The following IRAK2 variants were observed in gnomAD, a reference collection of about 807,000 sequenced individuals.
The protein encoded by IRAK2 is interleukin 1 receptor associated kinase 2, also known as interleukin-1 receptor-associated kinase-like 2.
Under a neutral mutation model 72.0 loss-of-function variants are expected in IRAK2, and 57 were observed. That is an observed-to-expected ratio of 0.79 (90% CI 0.64 to 0.99). IRAK2 has a LOEUF of 0.99. Among genes scored for constraint, IRAK2 ranks in the 50% least tolerant of loss-of-function variants. IRAK2 has a pLI of 0.00. For missense variants in IRAK2, 790 were observed against 794.4 expected (o/e 0.99, Z 0.07); for synonymous variants, 293 against 312.7 (o/e 0.94, Z 0.67).
rs373797017 is a variant in IRAK2, at chr3:10,213,468, A to G, written c.724-16A>G. The G allele has an allele frequency of 2.5e-6, 4 of 1,613,660 alleles. No individual in the cohort carries two copies. The African/African-American group carries it at 5.3e-5, about 22-fold the overall frequency. ...GGTGGGGCGGGATCTTCATGTTCTGATGTCTTTCTCTACAGACAGCCTGTT... is the reference window on the plus strand; with the variant it reads ...GGTGGGGCGGGATCTTCATGTTCTGGTGTCTTTCTCTACAGACAGCCTGTT... On this transcript the variant is annotated splice_polypyrimidine_tract_variant and intron_variant, in intron 5 of 12. Transcript: ENST00000256458.
In IRAK2 at chr3:10,213,648, A is replaced by C. The variant is rs1575977916; in HGVS notation, c.788+100A>C. On this transcript the variant is annotated intron_variant, in intron 6 of 12. Transcript: ENST00000256458. ...TAAGCACTCTATTATATATAAACTC[A>C]TTTAGTCCTTACAAGAACCCTATAA... 2.9e-5 allele frequency: 25 copies of C among 874,326 alleles called. No homozygotes were observed. The East Asian group carries it at 6.1e-4, about 21-fold the overall frequency. The allele number at this position is 874,326 out of a possible 1,614,324, so 54.2% of individuals were successfully genotyped here. A position where few individuals can be genotyped will look rare whatever the true frequency, so the allele number is the denominator to read the frequency against.
intron 6 of IRAK2, among the ~76,000 whole-genome samples, chr3:10,215,413 AAT>A (rs1559449311): frequency 1.4e-5 from 2 of 138,888 alleles, no homozygotes; most frequent in East Asian, 2.0e-4. Flanking sequence ...AAAAAAAAAA[AAT>A]TAATTAATTA....
chr3:10,203,845 A>T (rs1319512405), intron 3 of IRAK2, among the ~76,000 whole-genome samples: 1 of 151,856 alleles, frequency 6.6e-6, no homozygotes, highest in Non-Finnish European at 1.5e-5. Context: ...GTTGACCAGG[A>T]TGGTCTTGAT....
intron 1 of IRAK2, among the ~76,000 whole-genome samples, chr3:10,172,995 A>G (rs1440850434): frequency 6.6e-6 from 1 of 152,028 alleles, no homozygotes; most frequent in Non-Finnish European, 1.5e-5. Context: ...TATGAAAAAC[A>G]GGTTTTCATA....
chr3:10,165,347 G>A lies in IRAK2; in HGVS notation c.94+299G>A, dbSNP rs1463092649. ...CGCTGCTGGCTCGGTGACGTCCCCA[G>A]GTGGCCTCTCATCCAGCCCACAACA... On this transcript the variant is annotated intron_variant, in intron 1 of 12. Coordinates refer to ENST00000256458, the MANE Select transcript of IRAK2 (RefSeq NM_001570.4). Among the ~76,000 whole-genome samples, 4 of 152,154 alleles carry A rather than the reference G, an allele frequency of 2.6e-5. No individual in the cohort carries two copies. The East Asian group carries it at 7.7e-4, about 29-fold the overall frequency.
At chr3:10,188,403 C>T (rs1292626164) in intron 2 of IRAK2, among the ~76,000 whole-genome samples, 2 of 152,340 alleles carry the variant, frequency 1.3e-5, no homozygotes, top group African/African-American at 2.4e-5. Context: ...GGCTCGATCT[C>T]GGCTCACTGC....
At chr3:10,194,780 C>T (rs74893491) in intron 2 of IRAK2, among the ~76,000 whole-genome samples, 1,945 of 152,304 alleles carry the variant, frequency 0.013, 28 homozygotes, top group African/African-American at 0.044. Flanking sequence ...CATGTTTATA[C>T]GCACCATTTA....
chr3:10,212,294 T>G (rs1697533252), intron 4 of IRAK2, among the ~76,000 whole-genome samples: 1 of 152,164 alleles, frequency 6.6e-6, no homozygotes, highest in Admixed American at 6.6e-5. Flanking sequence ...ATTATGAGTT[T>G]TTTTTGCAAT....
intron 1 of IRAK2, among the ~76,000 whole-genome samples, chr3:10,169,796 T>C (rs188578932): frequency 1.3e-5 from 2 of 152,252 alleles, no homozygotes; most frequent in African/African-American, 4.8e-5. Context: ...CTTATGAAAA[T>C]GATGGGATTA....
intron 8 of IRAK2, among the ~76,000 whole-genome samples, chr3:10,220,874 C>A (rs2125159178): frequency 6.6e-6 from 1 of 152,214 alleles, no homozygotes; most frequent in South Asian, 2.1e-4. Context: ...TTTTTCACTT[C>A]CTGCCTATAC....
At position 10,184,823 on chromosome 3, in the gene IRAK2, A is replaced by G. The variant is rs190407128; in HGVS notation, c.277+6803A>G. Among the ~76,000 whole-genome samples, 1,102 of 138,494 alleles carry G rather than the reference A, an allele frequency of 8.0e-3. 42 individuals are homozygous for G. The highest frequency in any genetic ancestry group is 0.025 in the African/African-American group (906 of 36,636). The allele number at this position is 138,494 out of a possible 152,430, so 90.9% of individuals were successfully genotyped here. ...CGGCTCACTGCAAGCTCCGCCTCCCAGGTTCACGCCATTCTCTTGCCTCAG... is the reference window on the plus strand; with the variant it reads ...CGGCTCACTGCAAGCTCCGCCTCCCGGGTTCACGCCATTCTCTTGCCTCAG... On this transcript the variant is annotated intron_variant, in intron 2 of 12. Transcript: ENST00000256458.
At position 10,219,711 on chromosome 3, in the gene IRAK2, G is replaced by A. The variant is rs746090763; in HGVS notation, c.935G>A (p.Arg312His). 9.9e-6 allele frequency: 16 copies of A among 1,613,084 alleles called. No homozygotes were observed. In the East Asian group the frequency reaches 1.1e-4, roughly 11 times the overall value. The change falls in exon 8 of 13, where the codon CGT becomes CAT. Residue 312 changes from arginine to histidine, a missense_variant. By Grantham distance (29) the Arg-to-His change is conservative (BLOSUM62 0). Transcript: ENST00000256458. ...TCGGACCCCCTCCCCTGGCCCCAGCGTGTCAGCATCTGCTCAGGGCTGCTC... is the reference window on the plus strand; with the variant it reads ...TCGGACCCCCTCCCCTGGCCCCAGCATGTCAGCATCTGCTCAGGGCTGCTC... ...GGSDPLPWPQ[R>H]VSICSGLLCA...
chr3:10,192,101 A>G (rs1410156223), intron 2 of IRAK2, among the ~76,000 whole-genome samples: 1 of 151,820 alleles, frequency 6.6e-6, no homozygotes, highest in African/African-American at 2.4e-5. Context: ...GGAGGGCCAA[A>G]CCCAGGGATT....
At chr3:10,171,398 A>G (rs1696792594) in intron 1 of IRAK2, among the ~76,000 whole-genome samples, 1 of 152,154 alleles carries the variant, frequency 6.6e-6, no homozygotes, top group Middle Eastern at 3.4e-3. Context: ...CTTATTGTAA[A>G]GGGTCAAGTT....
Position 10,242,373 on chromosome 3 carries a change from C to T in IRAK2, c.*145C>T, listed in dbSNP as rs973299095. On this transcript the variant is annotated 3_prime_UTR_variant, in exon 13 of 13. Coordinates refer to ENST00000256458, the MANE Select transcript of IRAK2 (RefSeq NM_001570.4). ...CCTGGGTGGGAGGGAAACTTCATTT[C>T]ACTGGAATGAGTTGGGAGAGAAAGG... is the stretch of plus-strand genomic sequence containing the variant. 2 of 501,928 alleles carry T rather than the reference C, an allele frequency of 4.0e-6. No homozygotes were observed. Among genetic ancestry groups the T allele is most frequent in the South Asian group, 3.1e-5 (1 of 32,160 alleles). 31.1% of individuals were successfully genotyped at this position (501,928 alleles called of 1,614,324 possible). A position where few individuals can be genotyped will look rare whatever the true frequency, so the allele number is the denominator to read the frequency against.
chr3:10,221,790 G>C (rs1697698007), intron 8 of IRAK2, among the ~76,000 whole-genome samples: 1 of 152,162 alleles, frequency 6.6e-6, no homozygotes, highest in South Asian at 2.1e-4. Flanking sequence ...GCCTCACAAA[G>C]TGTTGGGATT....
At chr3:10,238,645 C>A (rs1698003261) in intron 11 of IRAK2, 103 bp from the exon 12 acceptor site, 3 of 1,114,918 alleles carry the variant, frequency 2.7e-6, no homozygotes, top group Non-Finnish European at 2.6e-6. Flanking sequence ...GCATTAGGTT[C>A]TTCAGTCTGC....
chr3:10,216,844 G>A, intron 6 of IRAK2, 90 bp from the exon 7 acceptor site: 2 of 949,284 alleles, frequency 2.1e-6, no homozygotes, highest in South Asian at 2.7e-5. Flanking sequence ...TGGCGTTGGA[G>A]GAGGAGAGGG....
intron 4 of IRAK2, 138 bp from the exon 5 acceptor site, chr3:10,213,069 A>G (rs1455755434): frequency 6.8e-6 from 5 of 737,858 alleles, no homozygotes; most frequent in Non-Finnish European, 6.6e-6. Context: ...TGCCCGGCCT[A>G]TCCATGTCCT....
Sources: gnomAD v4.1 joint callset for allele counts (sites outside exome capture counted in the v4.1 genomes callset) on GRCh38, gnomAD v4.1.1 for gene constraint, MANE v1.5 for transcripts, NCBI Gene and HGNC (gene_info 2026-07-23, HGNC 2026-07-21) for gene names.